The following ITGA9 variants were observed in gnomAD, a reference collection of about 807,000 sequenced individuals.
The protein encoded by ITGA9 is integrin alpha-9.
In ITGA9, 56 loss-of-function variants were observed where a neutral mutation model predicts 127.8. That is an observed-to-expected ratio of 0.44 (90% confidence interval 0.35 to 0.55). The LOEUF (loss-of-function observed/expected upper bound fraction) is 0.55. ITGA9 is among the 20% of genes least tolerant of loss of function. The pLI is 0.00. For missense variants in ITGA9, 1,196 were observed against 1,347.1 expected, an observed-to-expected ratio of 0.89 and a Z score of 1.76; for synonymous variants, 508 against 514.5, an observed-to-expected ratio of 0.99 and a Z score of 0.17.
rs1288094994 is a variant in ITGA9 at position 37,597,812 on chromosome 3, G to T, written c.1690-31375G>T. Among the ~76,000 whole-genome samples the T allele has an allele frequency of 6.6e-6, 1 of 152,218 alleles. No homozygotes were observed. The highest frequency in any genetic ancestry group is 1.5e-5 in the Non-Finnish European group (1 of 68,036). ...GGCTCTGCTGATTTGGGCAGGGCTT[G>T]TTCATATAGCTAGGGGTCAGCTAGC... On this transcript the variant is annotated intron_variant, in intron 15 of 27. Transcript: ENST00000264741. The surrounding 1 kb of genome is among the most constrained non-coding windows in gnomAD (Gnocchi z 4.6).
intron 15 of ITGA9, among the ~76,000 whole-genome samples, chr3:37,603,153 A>G (rs547451001): frequency 1.3e-5 from 2 of 152,220 alleles, no homozygotes; most frequent in Non-Finnish European, 2.9e-5. Flanking sequence ...TCTAGGCCTT[A>G]TCGAATGGGG....
At chr3:37,625,749 G>C (rs549357741) in intron 15 of ITGA9, among the ~76,000 whole-genome samples, 8 of 152,112 alleles carry the variant, frequency 5.3e-5, no homozygotes, top group African/African-American at 1.9e-4. Flanking sequence ...AAAGGAAACC[G>C]CTAAATTGTG....
intron 10 of ITGA9, among the ~76,000 whole-genome samples, chr3:37,518,872 C>T (rs1366419181): frequency 1.3e-5 from 2 of 148,934 alleles, no homozygotes; most frequent in East Asian, 3.9e-4. Flanking sequence ...GCAACCTCCG[C>T]TTCCCGGGTT....
Position 37,568,867 on chromosome 3 carries a change from G to C in ITGA9, c.1689+26282G>C, listed in dbSNP as rs377661019. 9.5e-4 allele frequency among the ~76,000 whole-genome samples: 144 copies of C among 152,244 alleles called. 4 individuals are homozygous for C. The South Asian group carries it at 0.029, about 31-fold the overall frequency. On this transcript the variant is annotated intron_variant, in intron 15 of 27. Transcript: ENST00000264741. ...AGTTCCAAACTTTCTCACATTTCCT[G>C]TCTTCTTCTGAACCCTCCAAACTGT... is the stretch of plus-strand genomic sequence containing the variant.
chr3:37,754,817 A>G (rs924331495), intron 23 of ITGA9, among the ~76,000 whole-genome samples: 1 of 152,188 alleles, frequency 6.6e-6, no homozygotes, highest in Admixed American at 6.5e-5. Context: ...TACGATGGGT[A>G]TCCCACAATG....
At chr3:37,686,125 C>G (rs993872784) in intron 18 of ITGA9, among the ~76,000 whole-genome samples, 1 of 152,076 alleles carries the variant, frequency 6.6e-6, no homozygotes, top group Non-Finnish European at 1.5e-5. Flanking sequence ...GGTGTGAAGT[C>G]ACATTTTTGA....
chr3:37,683,806 C>T, intron 17 of ITGA9, 59 bp from the exon 18 acceptor site: 2 of 1,570,028 alleles, frequency 1.3e-6, no homozygotes, highest in South Asian at 1.1e-5. Flanking sequence ...ACCCCCTGTG[C>T]CTCATGTTAT....
chr3:37,661,195 G>T (rs534163333), intron 17 of ITGA9, among the ~76,000 whole-genome samples: 2 of 152,320 alleles, frequency 1.3e-5, no homozygotes, highest in African/African-American at 4.8e-5. Flanking sequence ...ATGCCTTGTT[G>T]TTATCAGGGC....
chr3:37,790,512 G>A (rs745505105), intron 26 of ITGA9: 29 of 295,898 alleles, frequency 9.8e-5, no homozygotes, highest in Admixed American at 2.9e-4. Context: ...CCTCCAGGGC[G>A]TCTGGAGCAT....
chr3:37,536,714 TG>T (rs1699211536), intron 14 of ITGA9, among the ~76,000 whole-genome samples: 1 of 152,264 alleles, frequency 6.6e-6, no homozygotes. Context: ...CTGTAGCCTC[TG>T]TAAATACTGT....
chr3:37,532,191 G>C (rs142944750), intron 13 of ITGA9, among the ~76,000 whole-genome samples: 100 of 152,372 alleles, frequency 6.6e-4, no homozygotes, highest in African/African-American at 2.3e-3. Flanking sequence ...AAGTCCCGCA[G>C]TTCCACTGCC....
At chr3:37,672,933 A>G (rs373891847) in intron 17 of ITGA9, among the ~76,000 whole-genome samples, 1 of 152,154 alleles carries the variant, frequency 6.6e-6, no homozygotes, top group Middle Eastern at 3.4e-3. Context: ...AAATAGAGCA[A>G]TACCTTTCTT....
intron 27 of ITGA9, 61 bp from the exon 28 acceptor site, chr3:37,818,830 G>A: frequency 7.8e-7 from 1 of 1,284,600 alleles, no homozygotes; most frequent in Non-Finnish European, 1.1e-6. Context: ...ACTGCCTTGG[G>A]GTCACAATGG....
At chr3:37,539,945 C>T (rs1024302956) in intron 14 of ITGA9, among the ~76,000 whole-genome samples, 1 of 152,204 alleles carries the variant, frequency 6.6e-6, no homozygotes, top group African/African-American at 2.4e-5. Flanking sequence ...AGTTCCCTGG[C>T]ACTCCTGGCT....
rs139696309 is a variant in ITGA9, at chr3:37,515,444, G to A, written c.1035+1544G>A. On this transcript the variant is annotated intron_variant, in intron 9 of 27. Coordinates refer to ENST00000264741, the MANE Select transcript of ITGA9 (RefSeq NM_002207.3). ...AGGGATTGTTAGAGCCTTATGTTGC[G>A]TCTGAGGTTTTCAGGCTCTTCAGGA... Among the ~76,000 whole-genome samples the A allele has an allele frequency of 5.3e-3, 814 of 152,286 alleles. 4 individuals are homozygous for A. Among genetic ancestry groups the A allele is most frequent in the South Asian group, 0.017 (81 of 4,824 alleles).
intron 23 of ITGA9, among the ~76,000 whole-genome samples, chr3:37,765,518 C>T (rs1696770040): frequency 6.6e-6 from 1 of 152,088 alleles, no homozygotes; most frequent in African/African-American, 2.4e-5. Context: ...GCTGAATAGT[C>T]AAGTTCCTGA....
intron 18 of ITGA9, among the ~76,000 whole-genome samples, chr3:37,723,508 G>C (rs1019155868): frequency 6.6e-6 from 1 of 152,074 alleles, no homozygotes; most frequent in Non-Finnish European, 1.5e-5. Flanking sequence ...CTACAGATGT[G>C]TGCTACTACA....
Position 37,779,962 on chromosome 3 carries a change from A to G in ITGA9, c.2728A>G (p.Lys910Glu). Residue 910 changes from lysine to glutamate, a missense_variant, in exon 25 of 28, where the codon AAA becomes GAA. By Grantham distance (56) the Lys-to-Glu change is moderately conservative (BLOSUM62 1). Coordinates refer to ENST00000264741, the MANE Select transcript of ITGA9 (RefSeq NM_002207.3). Reference protein sequence around the residue: ...TAHCNFSALAKEESRTIDIYM... With the variant: ...TAHCNFSALAEEESRTIDIYM... ...ACACTGTAACTTTAGTGCTCTTGCT[A>G]AAGAAGAAAGTCGTACTATAGACAT... 6.2e-7 allele frequency: 1 copy of G among 1,613,994 alleles called. No homozygotes were observed. Among genetic ancestry groups the G allele is most frequent in the Non-Finnish European group, 8.5e-7 (1 of 1,179,850 alleles).
intron 8 of ITGA9, among the ~76,000 whole-genome samples, chr3:37,512,439 C>T (rs1482628425): frequency 1.3e-5 from 2 of 151,586 alleles, no homozygotes; most frequent in Non-Finnish European, 2.9e-5. Flanking sequence ...AGGCTGGTCT[C>T]GAACTCCTGG....
Sources: gnomAD v4.1 joint callset for allele counts (sites outside exome capture counted in the v4.1 genomes callset) on GRCh38, gnomAD v4.1.1 for gene constraint, Gnocchi (gnomAD v3.1) non-coding constraint, MANE v1.5 for transcripts, NCBI Gene and HGNC (gene_info 2026-07-23, HGNC 2026-07-21) for gene names.